The following RYR3 variants were observed in gnomAD, a reference collection of about 807,000 sequenced individuals.
RYR3 encodes the protein ryanodine receptor 3, also known as brain ryanodine receptor-calcium release channel.
Under a neutral mutation model 584.3 loss-of-function variants are expected in RYR3, and 207 were observed. That is an observed-to-expected ratio of 0.35 (90% CI 0.32 to 0.40). RYR3 has a LOEUF of 0.40. Among genes scored for constraint, RYR3 ranks in the 10% least tolerant of loss-of-function variants. The probability of loss-of-function intolerance (pLI) is 1.00; values close to 1 mark genes in which losing one functional copy is unlikely to be tolerated. For synonymous variants in RYR3, 2,416 were observed against 2,248.5 expected, an observed-to-expected ratio of 1.07 and a Z score of -2.11; for missense variants, 5,616 against 6,089.2, an observed-to-expected ratio of 0.92 and a Z score of 2.59.
At chr15:33,601,143 G>C (rs1431438194) in intron 16 of RYR3, among the ~76,000 whole-genome samples, 2 of 152,138 alleles carry the variant, frequency 1.3e-5, no homozygotes, top group African/African-American at 4.8e-5. Flanking sequence ...TAGAGCAATG[G>C]CCACCGATGG....
chr15:33,367,698 G>C (rs937973125), intron 1 of RYR3, among the ~76,000 whole-genome samples: 6 of 152,156 alleles, frequency 3.9e-5, no homozygotes, highest in African/African-American at 1.4e-4. Flanking sequence ...AAAACAGCCA[G>C]ACCCATTTTT....
intron 28 of RYR3, chr15:33,646,145 A>T: frequency 2.1e-6 from 1 of 465,534 alleles, no homozygotes; most frequent in Non-Finnish European, 3.8e-6. Context: ...TTAAATCTCT[A>T]ATTTCCCTAG....
chr15:33,396,483 C>T (rs1430831911), intron 1 of RYR3, among the ~76,000 whole-genome samples: 1 of 152,170 alleles, frequency 6.6e-6, no homozygotes, highest in Non-Finnish European at 1.5e-5. Flanking sequence ...CCAAGTTCTC[C>T]AACTTCTAAT....
In RYR3 at chr15:33,660,051, T is replaced by C. The variant is rs149614611; in HGVS notation, c.4396-146T>C. On this transcript the variant is annotated intron_variant, in intron 33 of 103. Coordinates refer to ENST00000634891, the MANE Select transcript of RYR3 (RefSeq NM_001036.6). ...TGCTCATATAACCCATTATTTGAAA[T>C]GCTAATTAATGCTGGTAAAGCCCTT... The C allele has an allele frequency of 3.1e-4, 203 of 648,536 alleles. 1 individual carries two copies. The African/African-American group carries it at 3.4e-3, about 11-fold the overall frequency. The allele number at this position is 648,536 out of a possible 1,614,324, so 40.2% of individuals were successfully genotyped here. A position where few individuals can be genotyped will look rare whatever the true frequency, so the allele number is the denominator to read the frequency against.
Position 33,852,746 on chromosome 15 carries a change from C to G in RYR3, c.13629-299C>G, listed in dbSNP as rs74008342. The G allele has an allele frequency of 5.5e-3, 1,576 of 284,302 alleles. 24 individuals are homozygous for G. Among genetic ancestry groups the G allele is most frequent in the African/African-American group, 0.032 (1,441 of 44,504 alleles). The allele number at this position is 284,302 out of a possible 1,614,324, so 17.6% of individuals were successfully genotyped here. ...TGGGATTAGGGAAAGGACTTAGAAA[C>G]ATACAACTGTCTCTGTCTAATCTGT... On this transcript the variant is annotated intron_variant, in intron 94 of 103. Transcript: ENST00000634891.
chr15:33,591,819 G>A (rs1270355119), intron 16 of RYR3, among the ~76,000 whole-genome samples: 1 of 152,192 alleles, frequency 6.6e-6, no homozygotes, highest in African/African-American at 2.4e-5. Context: ...GGTTTAGCCT[G>A]GAGGGGCTGA....
intron 1 of RYR3, among the ~76,000 whole-genome samples, chr15:33,364,153 A>G (rs551797232): frequency 1.3e-5 from 2 of 152,214 alleles, no homozygotes; most frequent in African/African-American, 4.8e-5. Flanking sequence ...GTGCTAAGTA[A>G]AATGTTTTTA....
chr15:33,619,003 A>T (rs1289529589), intron 19 of RYR3, among the ~76,000 whole-genome samples: 1 of 152,194 alleles, frequency 6.6e-6, no homozygotes, highest in Non-Finnish European at 1.5e-5. Context: ...GTGTTTTCAA[A>T]ATCAGTCAAG....
chr15:33,383,866 C>T (rs1428738288), intron 1 of RYR3, among the ~76,000 whole-genome samples: 1 of 152,138 alleles, frequency 6.6e-6, no homozygotes, highest in Admixed American at 6.5e-5. Flanking sequence ...AACTTAGGTG[C>T]CCATCAACAG....
Position 33,625,995 on chromosome 15 carries a change from GA to G in RYR3, c.2574+1974del, listed in dbSNP as rs2060964966. ...ATTTTCTGGACTCCTTCATAGACAA[GA>G]AGCTTGAAGGCCAAGGCCTGAAGGA... On this transcript the variant is annotated intron_variant, in intron 20 of 103. Coordinates refer to ENST00000634891, the MANE Select transcript of RYR3 (RefSeq NM_001036.6). 2.0e-5 allele frequency among the ~76,000 whole-genome samples: 3 copies of G among 152,300 alleles called. No homozygotes were observed. The South Asian group carries it at 6.2e-4, about 32-fold the overall frequency.
In RYR3 at chr15:33,728,987, A is replaced by T. The variant is rs1008292972; in HGVS notation, c.7164A>T (p.Gly2388=). The T allele has an allele frequency of 6.2e-7, 1 of 1,613,950 alleles. No individual in the cohort carries two copies. Among genetic ancestry groups the T allele is most frequent in the Non-Finnish European group, 8.5e-7 (1 of 1,179,860 alleles). Residue 2388 remains glycine, a synonymous_variant, in exon 47 of 104, where the codon GGA becomes GGT. Transcript: ENST00000634891. ...TTCTGCTCCACTTGCTGGAGGTTGG[A>T]TTTTTACCTGACCTAAGAGCTTCTG... ...QTFLLHLLEV[G]FLPDLRASAS... is the part of the protein sequence containing the mutation.
chr15:33,728,944 G>A lies in RYR3; in HGVS notation c.7121G>A (p.Gly2374Asp). The A allele has an allele frequency of 6.2e-7, 1 of 1,613,870 alleles. No individual in the cohort carries two copies. The highest frequency in any genetic ancestry group is 8.5e-7 in the Non-Finnish European group (1 of 1,179,838). Residue 2374 changes from glycine to aspartate, a missense_variant, in exon 47 of 104, where the codon GGC becomes GAC. This residue lies in a region of RYR3 where 1,280 missense variants were observed against 1,426.2 expected (regional missense o/e 0.90). Coordinates refer to ENST00000634891, the MANE Select transcript of RYR3 (RefSeq NM_001036.6). ...PMVLFLDRVY[G>D]IKDQTFLLHL... ...GTGCTGTTCTTGGACCGCGTTTATG[G>A]CATTAAGGATCAAACTTTTCTGCTC... is the stretch of plus-strand genomic sequence containing the variant.
chr15:33,602,864 C>A (rs113888851), intron 17 of RYR3, among the ~76,000 whole-genome samples: 1 of 150,970 alleles, frequency 6.6e-6, no homozygotes, highest in Non-Finnish European at 1.5e-5. Flanking sequence ...TCCAACCTCA[C>A]CCTCGCAAGT....
At chr15:33,806,440 GC>G (rs947142183) in intron 69 of RYR3, among the ~76,000 whole-genome samples, 1 of 151,830 alleles carries the variant, frequency 6.6e-6, no homozygotes, top group Non-Finnish European at 1.5e-5. Flanking sequence ...ATCACTTGAG[GC>G]CGAGAGTTCA....
At chr15:33,783,158 G>A (rs1313401915) in intron 65 of RYR3, among the ~76,000 whole-genome samples, 1 of 152,174 alleles carries the variant, frequency 6.6e-6, no homozygotes, top group Non-Finnish European at 1.5e-5. Flanking sequence ...CGGGAGGCTT[G>A]TTCAAGACTG....
intron 1 of RYR3, among the ~76,000 whole-genome samples, chr15:33,427,246 C>G (rs2044725705): frequency 6.6e-6 from 1 of 152,058 alleles, no homozygotes; most frequent in Non-Finnish European, 1.5e-5. Flanking sequence ...TTTAATGTTC[C>G]ACTCTTTGTT....
chr15:33,454,125 C>T (rs185613406), intron 1 of RYR3, among the ~76,000 whole-genome samples: 1 of 152,286 alleles, frequency 6.6e-6, no homozygotes, highest in Admixed American at 6.5e-5. Flanking sequence ...GCTCACTTGA[C>T]AAAGTTTTGC....
intron 67 of RYR3, 136 bp downstream of exon 67, chr15:33,788,594 C>G (rs1183294125): frequency 2.5e-5 from 24 of 942,244 alleles, no homozygotes; most frequent in Non-Finnish European, 3.7e-5. Context: ...ATTCTCCTTC[C>G]CAACACCAAT....
At chr15:33,583,273 A>G (rs755515436) in intron 14 of RYR3, among the ~76,000 whole-genome samples, 1 of 152,320 alleles carries the variant, frequency 6.6e-6, no homozygotes, top group South Asian at 2.1e-4. Context: ...TTATAGTTAC[A>G]TGTTGCTATT....
Sources: allele counts gnomAD v4.1 joint callset (sites outside exome capture counted in the v4.1 genomes callset), GRCh38; gene constraint gnomAD v4.1.1; regional missense constraint gnomAD v4.1.1; transcripts MANE v1.5; gene names NCBI Gene and HGNC (gene_info 2026-07-23, HGNC 2026-07-21).